Variants in ADARB2 observed in about 807,000 individuals in gnomAD.
ADARB2 encodes inactive double-stranded RNA-specific editase B2.
Under a neutral mutation model 62.2 loss-of-function variants are expected in ADARB2, and 25 were observed. That is an observed-to-expected ratio of 0.40 (90% CI 0.29 to 0.56). The LOEUF (loss-of-function observed/expected upper bound fraction) is 0.56, where lower values mean the gene tolerates loss of function less well. Among genes scored for constraint, ADARB2 ranks in the 20% least tolerant of loss-of-function variants. The probability of loss-of-function intolerance (pLI) is 0.43; values close to 1 mark genes in which losing one functional copy is unlikely to be tolerated. For missense variants in ADARB2, 1,071 were observed against 1,077.4 expected (o/e 0.99, Z 0.08); for synonymous variants, 572 against 500.8 (o/e 1.14, Z -1.90).
intron 1 of ADARB2, among the ~76,000 whole-genome samples, chr10:1,561,679 A>T (rs971103155): frequency 3.3e-5 from 5 of 152,084 alleles, no homozygotes; most frequent in African/African-American, 9.7e-5. Flanking sequence ...CTGGATGCTG[A>T]TAAGAGCTTC....
chr10:1,369,752 G>A (rs1474019047), intron 2 of ADARB2, among the ~76,000 whole-genome samples: 2 of 152,180 alleles, frequency 1.3e-5, no homozygotes, highest in African/African-American at 2.4e-5. Context: ...GCATGGCCAC[G>A]CCCCTCCTGA....
chr10:1,515,645 C>T (rs978218323), intron 1 of ADARB2, among the ~76,000 whole-genome samples: 5 of 152,214 alleles, frequency 3.3e-5, no homozygotes, highest in Admixed American at 3.3e-4. Flanking sequence ...GAGGGTGGAC[C>T]CCATCACCTT....
chr10:1,546,456 G>A (rs1276254859), intron 1 of ADARB2, among the ~76,000 whole-genome samples: 1 of 152,210 alleles, frequency 6.6e-6, no homozygotes, highest in Non-Finnish European at 1.5e-5. Flanking sequence ...GAAAAATTCT[G>A]CCTGTCTGTC....
At chr10:1,565,376 G>A (rs1160131404) in intron 1 of ADARB2, among the ~76,000 whole-genome samples, 2 of 152,164 alleles carry the variant, frequency 1.3e-5, no homozygotes, top group Non-Finnish European at 2.9e-5. Flanking sequence ...ACATGGGTAT[G>A]CATGTAATGT....
intron 1 of ADARB2, among the ~76,000 whole-genome samples, chr10:1,545,221 A>G (rs1178907115): frequency 6.6e-6 from 1 of 152,174 alleles, no homozygotes; most frequent in Non-Finnish European, 1.5e-5. Context: ...TATTGATCCC[A>G]CTAGGGAATA....
chr10:1,187,990 C>T (rs1321285500), intron 8 of ADARB2: 1 of 198,660 alleles, frequency 5.0e-6, no homozygotes, highest in African/African-American at 2.3e-5. Flanking sequence ...TACTGTTTAA[C>T]ATAGAAAGTG....
At chr10:1,661,539 G>A (rs1352117437) in intron 1 of ADARB2, among the ~76,000 whole-genome samples, 3 of 152,202 alleles carry the variant, frequency 2.0e-5, no homozygotes, top group African/African-American at 7.2e-5. Context: ...TAGGGTTGGG[G>A]GAGGGCCCCG....
chr10:1,257,236 A>T (rs1831088124), intron 4 of ADARB2, among the ~76,000 whole-genome samples: 1 of 152,096 alleles, frequency 6.6e-6, no homozygotes, highest in South Asian at 2.1e-4. Context: ...TTGGGTAATG[A>T]CCCAACCACA....
At chr10:1,271,834 G>A (rs542516307) in intron 3 of ADARB2, among the ~76,000 whole-genome samples, 2 of 152,304 alleles carry the variant, frequency 1.3e-5, no homozygotes, top group East Asian at 1.9e-4. Flanking sequence ...GCTTTTCTTC[G>A]GGGGCAGTTT....
intron 1 of ADARB2, among the ~76,000 whole-genome samples, chr10:1,483,279 C>G (rs938685211): frequency 1.3e-5 from 2 of 152,198 alleles, no homozygotes; most frequent in Non-Finnish European, 2.9e-5. Flanking sequence ...GTTTCTGTTT[C>G]AAACAAAGTA....
intron 1 of ADARB2, among the ~76,000 whole-genome samples, chr10:1,660,005 G>A (rs988203491): frequency 6.6e-6 from 1 of 150,598 alleles, no homozygotes; most frequent in African/African-American, 2.5e-5. Flanking sequence ...CTCCTCCACT[G>A]TCCTGTGAGA....
chr10:1,591,359 C>T (rs1229886136), intron 1 of ADARB2, among the ~76,000 whole-genome samples: 1 of 146,406 alleles, frequency 6.8e-6, no homozygotes, highest in African/African-American at 2.6e-5. Flanking sequence ...TTCGTACCCC[C>T]ACCCACAGCT....
intron 1 of ADARB2, among the ~76,000 whole-genome samples, chr10:1,731,294 CCCCGTCCT>C: frequency 6.6e-6 from 1 of 152,318 alleles, no homozygotes; most frequent in African/African-American, 2.4e-5. Flanking sequence ...GATAAAATAG[CCCCGTCCT>C]CCATTCCTTT....
At chr10:1,625,673 C>T (rs1833757085) in intron 1 of ADARB2, among the ~76,000 whole-genome samples, 1 of 152,114 alleles carries the variant, frequency 6.6e-6, no homozygotes, top group African/African-American at 2.4e-5. Flanking sequence ...GACACATGTC[C>T]ACTGACCATC....
chr10:1,403,654 G>A (rs7067912), intron 1 of ADARB2, among the ~76,000 whole-genome samples: 112,440 of 152,036 alleles, frequency 0.74, 43,253 homozygotes, highest in Middle Eastern at 0.87. Flanking sequence ...CCGTGGCCCC[G>A]GGCGTAGCTG....
At chr10:1,652,396 G>A (rs1180140141) in intron 1 of ADARB2, among the ~76,000 whole-genome samples, 2 of 152,118 alleles carry the variant, frequency 1.3e-5, no homozygotes, top group Admixed American at 6.5e-5. Flanking sequence ...GCCAGCTCCC[G>A]GGAAGACCAA....
intron 1 of ADARB2, among the ~76,000 whole-genome samples, chr10:1,466,794 C>T (rs77762621): frequency 0.016 from 2,422 of 152,266 alleles, 73 homozygotes; most frequent in African/African-American, 0.055. Flanking sequence ...GCACGTTCCC[C>T]GTGACATGGG....
chr10:1,189,537 A>C (rs542186079), intron 8 of ADARB2, among the ~76,000 whole-genome samples: 2 of 152,190 alleles, frequency 1.3e-5, no homozygotes, highest in Admixed American at 1.3e-4. Context: ...TGTGGCTGGA[A>C]ATGTGAAAAT....
In ADARB2 at chr10:1,493,850, C is replaced by G. The variant is rs572260503; in HGVS notation, c.101-114690G>C. ...CTCAGCTCACTGCAACCTCCGCCTC[C>G]TGGGTTGAAGCGGTTCTCCCGCCTC... is the stretch of plus-strand genomic sequence containing the variant. On this transcript the variant is annotated intron_variant, in intron 1 of 9. Transcript: ENST00000381312. 1.9e-4 allele frequency among the ~76,000 whole-genome samples: 27 copies of G among 143,786 alleles called. No individual in the cohort carries two copies. The South Asian group carries it at 6.2e-3, about 33-fold the overall frequency. The allele number at this position is 143,786 out of a possible 152,430, so 94.3% of individuals were successfully genotyped here. A position where few individuals can be genotyped will look rare whatever the true frequency, so the allele number is the denominator to read the frequency against.
Sources: gnomAD v4.1 joint callset for allele counts (sites outside exome capture counted in the v4.1 genomes callset) on GRCh38, gnomAD v4.1.1 for gene constraint, MANE v1.5 for transcripts, NCBI Gene and HGNC (gene_info 2026-07-23, HGNC 2026-07-21) for gene names.